Variants in ADAMTS6 observed in about 807,000 individuals in gnomAD.
ADAMTS6 encodes A disintegrin and metalloproteinase with thrombospondin motifs 6.
A neutral mutation model predicts 144.3 loss-of-function variants in ADAMTS6; 23 were observed. That is an observed-to-expected ratio of 0.16 (90% CI 0.11 to 0.23). The LOEUF (loss-of-function observed/expected upper bound fraction) is 0.23. Among genes scored for constraint, ADAMTS6 ranks in the 10% least tolerant of loss-of-function variants. ADAMTS6 has a pLI of 1.00. For missense variants in ADAMTS6, 999 were observed against 1,379.6 expected, an observed-to-expected ratio of 0.72 and a Z score of 4.37; for synonymous variants, 444 against 457.5, an observed-to-expected ratio of 0.97 and a Z score of 0.38.
At chr5:65,283,898 A>G (rs1473534048) in intron 11 of ADAMTS6, among the ~76,000 whole-genome samples, 2 of 152,130 alleles carry the variant, frequency 1.3e-5, no homozygotes, top group Non-Finnish European at 2.9e-5. Flanking sequence ...TCAAACTGTA[A>G]TAAGTGTTCC....
At chr5:65,284,813 T>G (rs1467957869) in intron 11 of ADAMTS6, among the ~76,000 whole-genome samples, 1 of 152,128 alleles carries the variant, frequency 6.6e-6, no homozygotes, top group African/African-American at 2.4e-5. Context: ...TCTCCTTTTA[T>G]AAGTTATGTT....
rs1278113536 is a variant in ADAMTS6 at position 65,201,106 on chromosome 5, T to C, written c.2576-3955A>G. On this transcript the variant is annotated intron_variant, in intron 20 of 24. Coordinates refer to ENST00000381055, the MANE Select transcript of ADAMTS6 (RefSeq NM_197941.4). ...TATCAAGAAATGGCTTTAATGGCAT[T>C]TTTATACAGTATGTACCAAAGGAAA... Among the ~76,000 whole-genome samples, 3 of 152,220 alleles carry C rather than the reference T, an allele frequency of 2.0e-5. No homozygotes were observed. In the East Asian group the frequency reaches 5.8e-4, roughly 29 times the overall value.
At chr5:65,413,095 T>C (rs1366133067) in intron 7 of ADAMTS6, among the ~76,000 whole-genome samples, 2 of 152,192 alleles carry the variant, frequency 1.3e-5, no homozygotes, top group South Asian at 2.1e-4. Context: ...ACTTGTCTTT[T>C]TGATCAATTT....
intron 7 of ADAMTS6, among the ~76,000 whole-genome samples, chr5:65,409,078 C>T (rs1442696392): frequency 6.6e-6 from 1 of 152,054 alleles, no homozygotes; most frequent in East Asian, 1.9e-4. Context: ...CCTAACATCA[C>T]GATTAAAAGA....
intron 14 of ADAMTS6, among the ~76,000 whole-genome samples, chr5:65,247,745 T>C (rs1477725575): frequency 6.6e-6 from 1 of 152,044 alleles, no homozygotes; most frequent in Middle Eastern, 3.2e-3. Flanking sequence ...TCAGGGAAAA[T>C]TGCAAACTGA....
At position 65,473,685 on chromosome 5, in the gene ADAMTS6, C is replaced by G. The variant is rs375291560; in HGVS notation, c.-12G>C. On this transcript the variant is annotated 5_prime_UTR_variant, in exon 2 of 25. Coordinates refer to ENST00000381055, the MANE Select transcript of ADAMTS6 (RefSeq NM_197941.4). The stretch of plus-strand genomic sequence containing the variant: ...CACAAAATTTCCATAATTTAGAAAA[C>G]TGGATGATTTTTTTGAGGGCTACCT... 5.6e-6 allele frequency: 9 copies of G among 1,608,834 alleles called. No individual in the cohort carries two copies. Among genetic ancestry groups the G allele is most frequent in the Non-Finnish European group, 7.7e-6 (9 of 1,175,436 alleles).
Position 65,291,401 on chromosome 5 carries a change from T to C in ADAMTS6, c.1440A>G (p.Pro480=). 6.2e-7 allele frequency: 1 copy of C among 1,614,012 alleles called. No individual in the cohort carries two copies. Among genetic ancestry groups the C allele is most frequent in the African/African-American group, 1.3e-5 (1 of 75,020 alleles). ...GCTCATCAGCATCATACACCTGACCTGGGGCCACAGCTGGATAAAGAAAGT... is the reference window on the plus strand; with the variant it reads ...GCTCATCAGCATCATACACCTGACCCGGGGCCACAGCTGGATAAAGAAAGT... ...KRDFLYPAVA[P]GQVYDADEQC... is the part of the protein sequence containing the mutation. The change falls in exon 11 of 25, where the codon CCA becomes CCG. Residue 480 remains proline, a synonymous_variant. Transcript: ENST00000381055.
intron 9 of ADAMTS6, among the ~76,000 whole-genome samples, chr5:65,318,741 T>C (rs1458222768): frequency 6.6e-6 from 1 of 150,722 alleles, no homozygotes; most frequent in East Asian, 1.9e-4. Context: ...GGAAGGTAGT[T>C]GGGGAGGGTG....
At chr5:65,379,198 T>G (rs537907012) in intron 7 of ADAMTS6, among the ~76,000 whole-genome samples, 17 of 152,314 alleles carry the variant, frequency 1.1e-4, no homozygotes, top group Admixed American at 4.6e-4. Context: ...TTTTCCCAAT[T>G]TGTAAAGGGC....
intron 10 of ADAMTS6, among the ~76,000 whole-genome samples, chr5:65,293,312 CT>C (rs1402497250): frequency 3.3e-5 from 5 of 151,806 alleles, no homozygotes; most frequent in African/African-American, 9.7e-5. Context: ...TACTATAAAT[CT>C]TTTTTATGGA....
intron 22 of ADAMTS6, among the ~76,000 whole-genome samples, chr5:65,180,892 T>C (rs1405509308): frequency 2.0e-5 from 3 of 152,218 alleles, no homozygotes; most frequent in African/African-American, 4.8e-5. Context: ...AAGCAAATAG[T>C]GTTGCTGTTG....
intron 15 of ADAMTS6, among the ~76,000 whole-genome samples, chr5:65,234,956 C>G (rs1758553706): frequency 6.6e-6 from 1 of 151,948 alleles, no homozygotes; most frequent in Non-Finnish European, 1.5e-5. Context: ...TAAAGAAATC[C>G]TGGGGCACAT....
chr5:65,364,788 G>A (rs577084772), intron 7 of ADAMTS6, among the ~76,000 whole-genome samples: 1 of 151,686 alleles, frequency 6.6e-6, no homozygotes, highest in Non-Finnish European at 1.5e-5. Flanking sequence ...GGATGGTCTC[G>A]ATCTCCTGAC....
intron 20 of ADAMTS6, among the ~76,000 whole-genome samples, chr5:65,205,509 T>A (rs1756027677): frequency 6.6e-6 from 1 of 152,192 alleles, no homozygotes; most frequent in Admixed American, 6.5e-5. Context: ...TAATTACTTT[T>A]TTAAATAATT....
chr5:65,406,709 T>A (rs1180701620), intron 7 of ADAMTS6, among the ~76,000 whole-genome samples: 4 of 152,060 alleles, frequency 2.6e-5, no homozygotes, highest in African/African-American at 9.7e-5. Context: ...TGGAATAGTG[T>A]CAGAAGGAAT....
At chr5:65,444,401 T>G (rs1758106755) in intron 7 of ADAMTS6, among the ~76,000 whole-genome samples, 2 of 152,088 alleles carry the variant, frequency 1.3e-5, no homozygotes, top group African/African-American at 4.8e-5. Flanking sequence ...ATAAATGAAC[T>G]TAGCAAGGTT....
At chr5:65,456,612 T>G (rs1369008545) in intron 4 of ADAMTS6, among the ~76,000 whole-genome samples, 1 of 152,172 alleles carries the variant, frequency 6.6e-6, no homozygotes, top group Non-Finnish European at 1.5e-5. Context: ...TTTTTCTGCT[T>G]TATTTATTGC....
At position 65,471,076 on chromosome 5, in the gene ADAMTS6, G is replaced by A; in HGVS notation, c.164C>T (p.Ala55Val). 6.2e-7 allele frequency: 1 copy of A among 1,610,460 alleles called. No individual in the cohort carries two copies. The highest frequency in any genetic ancestry group is 8.5e-7 in the Non-Finnish European group (1 of 1,178,734). ...ATTTTTCACAGTAAAGCTGAGAAATGCTCCATTTTGATCAACCCTTATTGG... is the reference window on the plus strand; with the variant it reads ...ATTTTTCACAGTAAAGCTGAGAAATACTCCATTTTGATCAACCCTTATTGG... ...TIPIRVDQNG[A>V]FLSFTVKNDK... is the part of the protein sequence containing the mutation. Residue 55 changes from alanine (A) to valine (V), a missense_variant, in exon 3 of 25, where the codon GCA (alanine) becomes GTA (valine). Ala to Val is a moderately conservative substitution (Grantham distance 64). Coordinates refer to ENST00000381055, the MANE Select transcript of ADAMTS6 (RefSeq NM_197941.4).
intron 3 of ADAMTS6, among the ~76,000 whole-genome samples, chr5:65,462,789 A>G (rs1352421226): frequency 6.6e-6 from 1 of 152,224 alleles, no homozygotes; most frequent in Non-Finnish European, 1.5e-5. Flanking sequence ...AGGAGCTAGA[A>G]AAAGCTAATT....
Sources: allele counts gnomAD v4.1 joint callset (sites outside exome capture counted in the v4.1 genomes callset), GRCh38; gene constraint gnomAD v4.1.1; transcripts MANE v1.5; gene names NCBI Gene and HGNC (gene_info 2026-07-23, HGNC 2026-07-21).